EFHD1: variants seen among roughly 807,000 people sequenced by gnomAD.
EFHD1 encodes the protein EF-hand domain-containing protein D1.
EFHD1 carries 10 observed loss-of-function variants against 17.2 expected under a neutral mutation model. The observed-to-expected ratio is 0.58, with a 90% CI of 0.36 to 0.99. The LOEUF is 0.99. Ranked by LOEUF, EFHD1 falls within the 50% of genes least tolerant of loss-of-function variation. The pLI, the probability that EFHD1 is intolerant of heterozygous loss-of-function variation, is 0.01. For missense variants in EFHD1, 310 were observed against 327.5 expected (o/e 0.95, Z 0.41); for synonymous variants, 153 against 142.0 (o/e 1.08, Z -0.55).
intron 1 of EFHD1, among the ~76,000 whole-genome samples, chr2:232,613,757 CGCACACACAT>C (rs1693859099): frequency 4.0e-5 from 6 of 150,150 alleles, no homozygotes; most frequent in African/African-American, 7.4e-5. Flanking sequence ...CACACAAATA[CGCACACACAT>C]ACACACACAA....
At chr2:232,674,182 C>G (rs1295290613) in intron 3 of EFHD1, among the ~76,000 whole-genome samples, 3 of 152,210 alleles carry the variant, frequency 2.0e-5, no homozygotes, top group Non-Finnish European at 4.4e-5. Flanking sequence ...GCTGGGATAA[C>G]AGGCGTGAGC....
At chr2:232,621,833 C>G (rs1694023891) in intron 1 of EFHD1, among the ~76,000 whole-genome samples, 2 of 152,188 alleles carry the variant, frequency 1.3e-5, no homozygotes, top group Non-Finnish European at 2.9e-5. Flanking sequence ...CATATAGCCT[C>G]TGAGTGACAC....
At chr2:232,647,420 A>G (rs1574717468) in intron 1 of EFHD1, among the ~76,000 whole-genome samples, 1 of 151,834 alleles carries the variant, frequency 6.6e-6, no homozygotes, top group South Asian at 2.1e-4. Context: ...GCCACTGCAC[A>G]CCCCCTCGTC....
chr2:232,679,717 T>TA (rs34960766), intron 3 of EFHD1, among the ~76,000 whole-genome samples: 33,095 of 109,420 alleles, frequency 0.3, 4,302 homozygotes, highest in East Asian at 0.35. Flanking sequence ...AAGACGTTTC[T>TA]AAAAAAAAAA....
chr2:232,661,302 C>G (rs1439848659), intron 1 of EFHD1, among the ~76,000 whole-genome samples: 7 of 152,114 alleles, frequency 4.6e-5, no homozygotes, highest in Non-Finnish European at 8.8e-5. Flanking sequence ...CCATTGAACA[C>G]TAACTCCCAT....
At chr2:232,622,617 G>A (rs1404606) in intron 1 of EFHD1, among the ~76,000 whole-genome samples, 37,583 of 144,970 alleles carry the variant, frequency 0.26, 5,891 homozygotes, top group Middle Eastern at 0.4. Flanking sequence ...GTAATGAGTG[G>A]GGCAGATTTC....
intron 1 of EFHD1, among the ~76,000 whole-genome samples, chr2:232,642,620 T>G (rs1183273752): frequency 6.6e-6 from 1 of 152,172 alleles, no homozygotes; most frequent in Non-Finnish European, 1.5e-5. Flanking sequence ...AAGAATCTTA[T>G]GACTTAAGGA....
At chr2:232,647,625 A>C (rs1210894756) in intron 1 of EFHD1, among the ~76,000 whole-genome samples, 1 of 146,752 alleles carries the variant, frequency 6.8e-6, no homozygotes, top group Admixed American at 6.8e-5. Flanking sequence ...CTGGCCCCTC[A>C]GGACTCTCCT....
At chr2:232,609,525 C>T (rs1693775284) in intron 1 of EFHD1, among the ~76,000 whole-genome samples, 1 of 152,042 alleles carries the variant, frequency 6.6e-6, no homozygotes, top group Non-Finnish European at 1.5e-5. Context: ...TGTTGGGTAC[C>T]AGGGATTCAG....
upstream of EFHD1, among the ~76,000 whole-genome samples, chr2:232,629,379 C>T (rs930206275): frequency 6.6e-6 from 1 of 152,188 alleles, no homozygotes; most frequent in Non-Finnish European, 1.5e-5. Flanking sequence ...AAACATCCGC[C>T]CTCCATTCTT....
intron 1 of EFHD1, among the ~76,000 whole-genome samples, chr2:232,614,055 C>CATACACATGCACACACATACAT (rs1693872519): frequency 1.0e-5 from 1 of 97,484 alleles, no homozygotes; most frequent in Non-Finnish European, 2.4e-5. Context: ...CACACACATA[C>CATACACATGCACACACATACAT]ATACACATGC....
At chr2:232,679,327 A>T (rs1351371978) in intron 3 of EFHD1, among the ~76,000 whole-genome samples, 1 of 152,202 alleles carries the variant, frequency 6.6e-6, no homozygotes, top group Non-Finnish European at 1.5e-5. Flanking sequence ...AACTGGGAGA[A>T]AGGAACTAAA....
intron 1 of EFHD1, among the ~76,000 whole-genome samples, chr2:232,645,275 G>C (rs1449239939): frequency 6.6e-6 from 1 of 152,068 alleles, no homozygotes; most frequent in African/African-American, 2.4e-5. Flanking sequence ...CCACGGGTCA[G>C]GTTTGCAGGA....
chr2:232,667,959 G>A (rs550134575), intron 2 of EFHD1, among the ~76,000 whole-genome samples: 1 of 152,360 alleles, frequency 6.6e-6, no homozygotes, highest in East Asian at 1.9e-4. Context: ...CCGTGGGAGT[G>A]TTTGCATCAT....
At chr2:232,619,158 TATAA>T (rs370538870) in intron 1 of EFHD1, among the ~76,000 whole-genome samples, 55,736 of 145,722 alleles carry the variant, frequency 0.38, 11,080 homozygotes, top group Middle Eastern at 0.48. Flanking sequence ...CATCTCAAAA[TATAA>T]ATAAATAAAT....
intron 1 of EFHD1, among the ~76,000 whole-genome samples, chr2:232,658,361 T>C (rs369991514): frequency 6.7e-6 from 1 of 148,632 alleles, no homozygotes; most frequent in East Asian, 1.9e-4. Flanking sequence ...GTCCGCCTAA[T>C]TGTATCCATA....
upstream of EFHD1, among the ~76,000 whole-genome samples, chr2:232,630,795 AAAAAAG>A (rs1364492135): frequency 7.3e-6 from 1 of 137,176 alleles, no homozygotes; most frequent in Non-Finnish European, 1.6e-5. Flanking sequence ...AAAAAAAAAA[AAAAAAG>A]AAAGAAAGAA....
chr2:232,634,581 G>A lies in EFHD1; in HGVS notation c.302+575G>A, dbSNP rs529791159. Among the ~76,000 whole-genome samples the A allele has an allele frequency of 5.3e-5, 8 of 152,254 alleles. No homozygotes were observed. In the South Asian group the frequency reaches 6.2e-4, roughly 12 times the overall value. ...CGGGAGCCTCCTGGGGGCGCGGGGA[G>A]GGGGGGCGGTTGTGGGAACCGAACT... On this transcript the variant is annotated intron_variant, in intron 1 of 3. Transcript: ENST00000264059.
intron 1 of EFHD1, among the ~76,000 whole-genome samples, chr2:232,625,624 G>A (rs1049025623): frequency 6.6e-6 from 1 of 152,104 alleles, no homozygotes; most frequent in Non-Finnish European, 1.5e-5. Context: ...TACACACAGA[G>A]AACAGAATAC....
Sources: gnomAD v4.1 joint callset for allele counts (sites outside exome capture counted in the v4.1 genomes callset) on GRCh38, gnomAD v4.1.1 for gene constraint, MANE v1.5 for transcripts, NCBI Gene and HGNC (gene_info 2026-07-23, HGNC 2026-07-21) for gene names.